Variants in TRHDE observed in about 807,000 individuals in gnomAD.
TRHDE encodes thyrotropin-releasing hormone-degrading ectoenzyme.
A neutral mutation model predicts 125.7 loss-of-function variants in TRHDE; 72 were observed. That is an observed-to-expected ratio of 0.57 (90% confidence interval 0.47 to 0.70). The LOEUF (loss-of-function observed/expected upper bound fraction) is 0.70, where lower values mean the gene tolerates loss of function less well. Among genes scored for constraint, TRHDE ranks in the 30% least tolerant of loss-of-function variants. The probability of loss-of-function intolerance (pLI) is 0.00; values close to 1 mark genes in which losing one functional copy is unlikely to be tolerated. For missense variants in TRHDE, 1,110 were observed against 1,327.1 expected, an observed-to-expected ratio of 0.84 and a Z score of 2.54; for synonymous variants, 509 against 509.1, an observed-to-expected ratio of 1.00 and a Z score of 0.00.
chr12:72,403,604 T>C (rs543770487), intron 3 of TRHDE, among the ~76,000 whole-genome samples: 8 of 152,172 alleles, frequency 5.3e-5, no homozygotes, highest in Non-Finnish European at 1.2e-4. Context: ...TATACTTGCC[T>C]TCAGGAAAAA....
At chr12:72,145,314 A>G (rs1435533784) in intron 2 of TRHDE, among the ~76,000 whole-genome samples, 1 of 152,212 alleles carries the variant, frequency 6.6e-6, no homozygotes, top group Non-Finnish European at 1.5e-5. Flanking sequence ...GCTGGGAAGA[A>G]GGTCCACAGA....
intron 2 of TRHDE, among the ~76,000 whole-genome samples, chr12:72,213,641 C>A (rs1241396910): frequency 2.0e-5 from 3 of 152,104 alleles, no homozygotes; most frequent in African/African-American, 7.2e-5. Context: ...CAAACTGCAA[C>A]ATTTTCCATA....
chr12:72,201,694 G>C (rs1877564002), intron 2 of TRHDE, among the ~76,000 whole-genome samples: 1 of 152,166 alleles, frequency 6.6e-6, no homozygotes, highest in African/African-American at 2.4e-5. Flanking sequence ...GGAAACACAG[G>C]AGGGAAATGA....
At chr12:72,387,879 C>T (rs1287733678) in intron 3 of TRHDE, among the ~76,000 whole-genome samples, 1 of 152,136 alleles carries the variant, frequency 6.6e-6, no homozygotes, top group African/African-American at 2.4e-5. Context: ...CCTCCCCAGC[C>T]ATGTGGAACT....
intron 7 of TRHDE, among the ~76,000 whole-genome samples, chr12:72,557,641 TCTTTA>T (rs906870000): frequency 6.6e-6 from 1 of 152,172 alleles, no homozygotes; most frequent in African/African-American, 2.4e-5. Flanking sequence ...CTTAACTCAC[TCTTTA>T]CTTTTCCCCT....
intron 12 of TRHDE, among the ~76,000 whole-genome samples, chr12:72,598,406 G>A (rs906018211): frequency 9.9e-5 from 15 of 152,110 alleles, no homozygotes; most frequent in African/African-American, 3.4e-4. Context: ...TTATTGATCA[G>A]CAAACTGGGA....
intron 12 of TRHDE, among the ~76,000 whole-genome samples, chr12:72,606,274 A>G (rs1872440081): frequency 6.6e-6 from 1 of 152,210 alleles, no homozygotes. Context: ...ACAGAGTAAT[A>G]ATTTTCCCTT....
At chr12:72,215,609 G>A (rs140011153) in intron 2 of TRHDE, among the ~76,000 whole-genome samples, 28 of 152,282 alleles carry the variant, frequency 1.8e-4, no homozygotes, top group African/African-American at 5.8e-4. Context: ...TGGCAATAGT[G>A]TAGTTTGGGA....
At chr12:72,386,586 C>T (rs954659049) in intron 3 of TRHDE, among the ~76,000 whole-genome samples, 1 of 152,138 alleles carries the variant, frequency 6.6e-6, no homozygotes, top group Non-Finnish European at 1.5e-5. Flanking sequence ...CATGCACATT[C>T]ACTCCAGCTA....
chr12:72,503,415 A>G (rs1053575178), intron 6 of TRHDE, among the ~76,000 whole-genome samples: 1 of 152,180 alleles, frequency 6.6e-6, no homozygotes, highest in Non-Finnish European at 1.5e-5. Context: ...GCCTGTGCTT[A>G]TGTTCTAGGC....
intron 2 of TRHDE, among the ~76,000 whole-genome samples, chr12:72,314,845 T>A (rs1439604879): frequency 1.3e-5 from 2 of 152,218 alleles, no homozygotes; most frequent in Non-Finnish European, 2.9e-5. Context: ...AATTAGGAAT[T>A]GAAATTTGGA....
chr12:72,219,944 T>C (rs1377969541), intron 2 of TRHDE, among the ~76,000 whole-genome samples: 1 of 152,192 alleles, frequency 6.6e-6, no homozygotes, highest in Non-Finnish European at 1.5e-5. Context: ...AAGCACTGTT[T>C]GCAGAAAGAA....
Position 72,258,284 on chromosome 12 carries a change from C to G in TRHDE, n.280-119711C>G, listed in dbSNP as rs376231377. 9 of 152,230 alleles carry G rather than the reference C, an allele frequency of 5.9e-5. No individual in the cohort carries two copies. In the East Asian group the frequency reaches 7.7e-4, roughly 13 times the overall value. 9.4% of individuals were successfully genotyped at this position (152,230 alleles called of 1,614,324 possible). ...TTTTGCTGTGTTTAAAATGGGTACA[C>G]AAGCTACGTGAAAGGAAAATGTGAA... On this transcript the variant is annotated intron_variant and non_coding_transcript_variant, in intron 2 of 4. Coordinates refer to the TRHDE transcript ENST00000548156.
intron 3 of TRHDE, among the ~76,000 whole-genome samples, chr12:72,392,191 A>T (rs1350598029): frequency 6.6e-6 from 1 of 152,178 alleles, no homozygotes; most frequent in Non-Finnish European, 1.5e-5. Flanking sequence ...TGTTTAAGCC[A>T]CCAGGTCTAT....
chr12:72,185,428 C>G (rs999649516), intron 2 of TRHDE, among the ~76,000 whole-genome samples: 2 of 152,266 alleles, frequency 1.3e-5, no homozygotes, highest in Non-Finnish European at 2.9e-5. Flanking sequence ...CTGAGGAATG[C>G]GAGCGCACGG....
intron 2 of TRHDE, among the ~76,000 whole-genome samples, chr12:72,194,930 ATGAAGAAATACC>A (rs1877409877): frequency 6.6e-6 from 1 of 152,084 alleles, no homozygotes; most frequent in South Asian, 2.1e-4. Context: ...TCATGTTGCT[ATGAAGAAATACC>A]TGAGACTGGG....
intron 3 of TRHDE, among the ~76,000 whole-genome samples, chr12:72,427,860 T>G (rs2135836350): frequency 6.6e-6 from 1 of 152,260 alleles, no homozygotes. Context: ...TTAGATAGAC[T>G]ATTGATTTCT....
chr12:72,362,899 G>T (rs1465285487), intron 2 of TRHDE, among the ~76,000 whole-genome samples: 1 of 151,910 alleles, frequency 6.6e-6, no homozygotes, highest in Admixed American at 6.6e-5. Context: ...ATTTCTGAGG[G>T]CTCTGTTCTG....
At chr12:72,589,526 T>C (rs1871582044) in intron 12 of TRHDE, among the ~76,000 whole-genome samples, 1 of 152,128 alleles carries the variant, frequency 6.6e-6, no homozygotes, top group African/African-American at 2.4e-5. Flanking sequence ...AAATTTACCA[T>C]CAGATGGGTG....
Sources: allele counts gnomAD v4.1 joint callset (sites outside exome capture counted in the v4.1 genomes callset), GRCh38; gene constraint gnomAD v4.1.1; transcripts MANE v1.5; gene names NCBI Gene and HGNC (gene_info 2026-07-23, HGNC 2026-07-21).